MAGI1: variants seen among roughly 807,000 people sequenced by gnomAD.
The protein encoded by MAGI1 is membrane-associated guanylate kinase, WW and PDZ domain-containing protein 1.
MAGI1 carries 58 observed loss-of-function variants against 139.9 expected under a neutral mutation model. The ratio of observed to expected loss-of-function variants is 0.41; its 90% CI spans 0.34 to 0.52. The LOEUF is 0.52. MAGI1 is among the 20% of genes least tolerant of loss of function. The probability of loss-of-function intolerance (pLI) is 0.12; values close to 1 mark genes in which losing one functional copy is unlikely to be tolerated. For synonymous variants in MAGI1, 812 were observed against 737.9 expected (o/e 1.10, Z -1.63); for missense variants, 1,874 against 1,901.6 (o/e 0.99, Z 0.27).
chr3:65,798,931 C>T (rs74642687), intron 1 of MAGI1, among the ~76,000 whole-genome samples: 1 of 152,074 alleles, frequency 6.6e-6, no homozygotes, highest in African/African-American at 2.4e-5. Flanking sequence ...AATCACATAT[C>T]GGCCACCTCA....
chr3:66,033,261 T>A (rs1466574505), intron 1 of MAGI1, among the ~76,000 whole-genome samples: 1 of 152,134 alleles, frequency 6.6e-6, no homozygotes, highest in East Asian at 1.9e-4. Flanking sequence ...TGAGCTCAAG[T>A]GATCCACCCA....
At chr3:65,369,381 C>T (rs549815837) in intron 18 of MAGI1, among the ~76,000 whole-genome samples, 1 of 152,170 alleles carries the variant, frequency 6.6e-6, no homozygotes, top group East Asian at 1.9e-4. Context: ...ATGACAAGAG[C>T]AAAGAATTAG....
chr3:65,589,614 G>C (rs983667002), intron 2 of MAGI1, among the ~76,000 whole-genome samples: 1 of 152,088 alleles, frequency 6.6e-6, no homozygotes, highest in East Asian at 1.9e-4. Context: ...TTTCTGTCAA[G>C]GGTCAGATAA....
At chr3:65,472,548 T>C (rs1260433677) in intron 4 of MAGI1, among the ~76,000 whole-genome samples, 2 of 152,338 alleles carry the variant, frequency 1.3e-5, no homozygotes, top group African/African-American at 4.8e-5. Flanking sequence ...CAGTTGGGAA[T>C]TACTCTACCT....
At chr3:65,523,888 C>T (rs148768211) in intron 2 of MAGI1, among the ~76,000 whole-genome samples, 1,939 of 152,202 alleles carry the variant, frequency 0.013, 24 homozygotes, top group Non-Finnish European at 0.019. Flanking sequence ...TGAGAGTGCA[C>T]GCTACAGAAG....
chr3:65,934,849 T>C lies in MAGI1; in HGVS notation c.313+103147A>G, dbSNP rs903844500. Among the ~76,000 whole-genome samples the C allele has an allele frequency of 2.7e-5, 4 of 150,786 alleles. No homozygotes were observed. The East Asian group carries it at 8.0e-4, about 30-fold the overall frequency. ...AAATCCTCTTGTGAGCAAACATCAATAAGTAATCTGCACCAATTTAATCTG... is the reference window on the plus strand; with the variant it reads ...AAATCCTCTTGTGAGCAAACATCAACAAGTAATCTGCACCAATTTAATCTG... On this transcript the variant is annotated intron_variant, in intron 1 of 22. Transcript: ENST00000402939.
chr3:65,962,220 C>T lies in MAGI1; in HGVS notation c.313+75776G>A, dbSNP rs116169851. The stretch of plus-strand genomic sequence containing the variant: ...TCACTGCAAGCTCTGCAGTGGTTCA[C>T]GCCATTCTCCTACTCAGCCTCCTGA... On this transcript the variant is annotated intron_variant, in intron 1 of 22. Coordinates refer to ENST00000402939, the MANE Select transcript of MAGI1 (RefSeq NM_001033057.2). 9.7e-3 allele frequency among the ~76,000 whole-genome samples: 1,463 copies of T among 150,820 alleles called. 30 individuals carry two copies. Among genetic ancestry groups the T allele is most frequent in the African/African-American group, 0.033 (1,369 of 41,000 alleles).
At chr3:65,923,200 A>C (rs114662921) in intron 1 of MAGI1, among the ~76,000 whole-genome samples, 3,377 of 148,348 alleles carry the variant, frequency 0.023, 107 homozygotes, top group African/African-American at 0.066. Context: ...ATGCATGCAC[A>C]TGTTAAGCTT....
At chr3:65,878,333 A>T (rs570500745) in intron 1 of MAGI1, among the ~76,000 whole-genome samples, 1 of 152,226 alleles carries the variant, frequency 6.6e-6, no homozygotes, top group Non-Finnish European at 1.5e-5. Flanking sequence ...CCTGGCCAAT[A>T]TGGTGAAACC....
chr3:65,883,827 T>C (rs1429642652), intron 1 of MAGI1, among the ~76,000 whole-genome samples: 5 of 152,218 alleles, frequency 3.3e-5, no homozygotes, highest in South Asian at 4.1e-4. Context: ...TACACATGAA[T>C]TGCCTGTGGG....
At chr3:65,642,902 T>C (rs1382456038) in intron 1 of MAGI1, among the ~76,000 whole-genome samples, 1 of 152,206 alleles carries the variant, frequency 6.6e-6, no homozygotes. Flanking sequence ...AAAATGAGGG[T>C]CTAATGTTTT....
intron 1 of MAGI1, among the ~76,000 whole-genome samples, chr3:65,953,000 C>T (rs2063941553): frequency 6.6e-6 from 1 of 152,148 alleles, no homozygotes; most frequent in Non-Finnish European, 1.5e-5. Context: ...GAGTCAAGTA[C>T]TATTATTATC....
chr3:65,802,499 G>C (rs1014176391), intron 1 of MAGI1, among the ~76,000 whole-genome samples: 1 of 152,138 alleles, frequency 6.6e-6, no homozygotes. Flanking sequence ...AAAATAAAAA[G>C]TCCTTTAGAA....
chr3:65,483,933 C>T (rs1412269852), intron 3 of MAGI1, among the ~76,000 whole-genome samples: 1 of 152,098 alleles, frequency 6.6e-6, no homozygotes, highest in Non-Finnish European at 1.5e-5. Context: ...AGGATTGTAA[C>T]CCTGGAATTT....
chr3:66,033,439 G>A (rs1308686712), intron 1 of MAGI1, among the ~76,000 whole-genome samples: 1 of 152,158 alleles, frequency 6.6e-6, no homozygotes, highest in East Asian at 1.9e-4. Flanking sequence ...CCCACTACTA[G>A]CACTGGTTGT....
chr3:65,517,092 A>G (rs1213037678), intron 2 of MAGI1, among the ~76,000 whole-genome samples: 1 of 152,098 alleles, frequency 6.6e-6, no homozygotes, highest in Non-Finnish European at 1.5e-5. Flanking sequence ...TCTGGAAGCT[A>G]AGCTCTAAAA....
chr3:65,565,963 G>A (rs759258726), intron 2 of MAGI1, among the ~76,000 whole-genome samples: 4 of 151,574 alleles, frequency 2.6e-5, no homozygotes, highest in Non-Finnish European at 4.4e-5. Flanking sequence ...AGAGAAAAAC[G>A]TCATAATATT....
At chr3:65,758,572 G>A (rs893903129) in intron 1 of MAGI1, among the ~76,000 whole-genome samples, 1 of 152,052 alleles carries the variant, frequency 6.6e-6, no homozygotes, top group East Asian at 1.9e-4. Context: ...GTTCTCAACT[G>A]GGGGGGAATA....
Position 66,038,527 on chromosome 3 carries a change from C to A in MAGI1, c.-219G>T. On this transcript the variant is annotated 5_prime_UTR_variant, in exon 1 of 23. Coordinates refer to ENST00000402939, the MANE Select transcript of MAGI1 (RefSeq NM_001033057.2). The stretch of plus-strand genomic sequence containing the variant: ...CTTCCCCGCGAGCCCCGCACAGGCG[C>A]CCGCGAGCTTTGTTTGCATTCCGGT... 1.7e-6 allele frequency: 1 copy of A among 587,712 alleles called. No homozygotes were observed. Among genetic ancestry groups the A allele is most frequent in the Non-Finnish European group, 2.7e-6 (1 of 372,034 alleles). 36.4% of individuals were successfully genotyped at this position (587,712 alleles called of 1,614,324 possible).
Sources: allele counts gnomAD v4.1 joint callset (sites outside exome capture counted in the v4.1 genomes callset), GRCh38; gene constraint gnomAD v4.1.1; transcripts MANE v1.5; gene names NCBI Gene and HGNC (gene_info 2026-07-23, HGNC 2026-07-21).